LPP: variants seen among roughly 807,000 people sequenced by gnomAD.
LPP encodes the protein LIM domain containing preferred translocation partner in lipoma.
In LPP, 38 loss-of-function variants were observed where a neutral mutation model predicts 60.4. The ratio of observed to expected loss-of-function variants is 0.63; its 90% CI spans 0.49 to 0.83. LPP has a LOEUF of 0.83. LPP is among the 40% of genes least tolerant of loss of function. The pLI is 0.00. For missense variants in LPP, 902 were observed against 783.6 expected (o/e 1.15, Z -1.80); for synonymous variants, 328 against 290.8 (o/e 1.13, Z -1.30).
At chr3:188,256,078 C>T (rs891630150) in intron 2 of LPP, among the ~76,000 whole-genome samples, 5 of 152,100 alleles carry the variant, frequency 3.3e-5, no homozygotes, top group Non-Finnish European at 5.9e-5. Context: ...CTACTTTGTA[C>T]GCTGAGACTC....
intron 6 of LPP, among the ~76,000 whole-genome samples, chr3:188,534,290 C>A (rs528752727): frequency 4.6e-5 from 7 of 152,210 alleles, no homozygotes; most frequent in African/African-American, 1.7e-4. Flanking sequence ...TCCTTGGCTC[C>A]AAGATGATTA....
chr3:188,363,905 CAAAAA>C lies in LPP; in HGVS notation c.-10+22205_-10+22209del, dbSNP rs541715135. On this transcript the variant is annotated intron_variant, in intron 3 of 11. Transcript: ENST00000617246. ...GGACGAAAGAGTGAAAACTCCCTCC[CAAAAA>C]AAAAAAAAAAAAAAAAAATACTATG... is the stretch of plus-strand genomic sequence containing the variant. Among the ~76,000 whole-genome samples, 162 of 96,902 alleles carry C rather than the reference CAAAAA, an allele frequency of 1.7e-3. 1 individual carries two copies. Among genetic ancestry groups the C allele is most frequent in the African/African-American group, 6.1e-3 (157 of 25,574 alleles). 63.6% of individuals were successfully genotyped at this position (96,902 alleles called of 152,430 possible). A position where few individuals can be genotyped will look rare whatever the true frequency, so the allele number is the denominator to read the frequency against.
chr3:188,268,375 A>G (rs887131609), intron 2 of LPP, among the ~76,000 whole-genome samples: 1 of 152,280 alleles, frequency 6.6e-6, no homozygotes, highest in African/African-American at 2.4e-5. Flanking sequence ...TTAAGCAAAG[A>G]ACAATTCGTG....
Position 188,610,373 on chromosome 3 carries a change from G to A in LPP, c.1113+529G>A, listed in dbSNP as rs779346754. On this transcript the variant is annotated intron_variant, in intron 7 of 11. Transcript: ENST00000617246. The surrounding 1 kb of genome is among the most constrained non-coding windows in gnomAD (Gnocchi z 4.4). ...ACTCCCGCAATGTTGGTACCACAGC[G>A]GTTGCTGGGCCAGAACAAGTGGCCA... Among the ~76,000 whole-genome samples the A allele has an allele frequency of 1.2e-4, 18 of 152,314 alleles. No individual in the cohort carries two copies. The highest frequency in any genetic ancestry group is 1.9e-4 in the East Asian group (1 of 5,168).
chr3:188,700,808 A>T, intron 7 of LPP, among the ~76,000 whole-genome samples: 1 of 152,220 alleles, frequency 6.6e-6, no homozygotes, highest in East Asian at 1.9e-4. Context: ...CTATTTTTAT[A>T]GACTACAAAG....
chr3:188,158,090 C>T (rs767753512), intron 1 of LPP, among the ~76,000 whole-genome samples: 18 of 151,998 alleles, frequency 1.2e-4, no homozygotes, highest in Non-Finnish European at 2.4e-4. Context: ...GGGTCTCTAG[C>T]GTCATCTCTG....
At chr3:188,533,722 T>C (rs746117857) in intron 6 of LPP, among the ~76,000 whole-genome samples, 3 of 152,190 alleles carry the variant, frequency 2.0e-5, no homozygotes, top group Non-Finnish European at 4.4e-5. Context: ...ATGTTTTACT[T>C]AGAGGATCTG....
intron 2 of LPP, among the ~76,000 whole-genome samples, chr3:188,317,767 C>T (rs1443696113): frequency 7.7e-6 from 1 of 129,412 alleles, no homozygotes; most frequent in Admixed American, 8.2e-5. Context: ...CCTGCTCTAC[C>T]TTGAACTGCT....
At chr3:188,753,903 T>A (rs1729136001) in intron 8 of LPP, among the ~76,000 whole-genome samples, 2 of 152,210 alleles carry the variant, frequency 1.3e-5, no homozygotes, top group Admixed American at 6.5e-5. Flanking sequence ...GAATCAGATA[T>A]ACACAAGCAC....
At chr3:188,640,537 A>G (rs995015971) in intron 7 of LPP, among the ~76,000 whole-genome samples, 2 of 150,110 alleles carry the variant, frequency 1.3e-5, no homozygotes, top group Admixed American at 1.3e-4. Context: ...TAATAATAAT[A>G]AAAGTTTGGG....
chr3:188,563,460 A>ATATGTGTGTGTGTGTG (rs373067080), intron 6 of LPP, among the ~76,000 whole-genome samples: 2,396 of 141,968 alleles, frequency 0.017, 39 homozygotes, highest in African/African-American at 0.041. Context: ...TTACATATAT[A>ATATGTGTGTGTGTGTG]TGTGTGTGTG....
intron 2 of LPP, among the ~76,000 whole-genome samples, chr3:188,268,331 A>C (rs927919840): frequency 5.3e-5 from 8 of 152,266 alleles, no homozygotes; most frequent in African/African-American, 1.7e-4. Context: ...AACAACCCCC[A>C]AAAACCTTAG....
At chr3:188,753,641 T>A (rs899930679) in intron 8 of LPP, among the ~76,000 whole-genome samples, 1 of 151,870 alleles carries the variant, frequency 6.6e-6, no homozygotes. Flanking sequence ...TTTTTTACTT[T>A]ACCTTAATTT....
Position 188,825,269 on chromosome 3 carries a change from C to CTCTGTGTGTGTGTG in LPP, c.1411-40930_1411-40929insCTGTGTGTGTGTGT, listed in dbSNP as rs1463318065. The stretch of plus-strand genomic sequence containing the variant: ...TCTTTCTCTCTCTCTCTCTCTCTCT[C>CTCTGTGTGTGTGTG]TGTGTGTGTGTGTGTGTGTGTGTGT... On this transcript the variant is annotated intron_variant, in intron 9 of 11. Coordinates refer to ENST00000617246, the MANE Select transcript of LPP (RefSeq NM_001375462.1). Among the ~76,000 whole-genome samples the CTCTGTGTGTGTGTG allele has an allele frequency of 2.1e-3, 213 of 101,750 alleles. 1 individual carries two copies. The highest frequency in any genetic ancestry group is 6.0e-3 in the East Asian group (15 of 2,498). The allele number at this position is 101,750 out of a possible 152,430, so 66.8% of individuals were successfully genotyped here.
intron 4 of LPP, among the ~76,000 whole-genome samples, chr3:188,480,221 A>G (rs547330894): frequency 8.5e-5 from 13 of 152,230 alleles, no homozygotes; most frequent in Non-Finnish European, 1.9e-4. Flanking sequence ...TGTTTTCTGA[A>G]GTAAATTGGC....
At chr3:188,737,631 T>C (rs1425842179) in intron 8 of LPP, among the ~76,000 whole-genome samples, 1 of 152,196 alleles carries the variant, frequency 6.6e-6, no homozygotes, top group Non-Finnish European at 1.5e-5. Flanking sequence ...TGGTCTTAAG[T>C]AGTTCTAGAC....
Position 188,880,690 on chromosome 3 carries a change from G to C in LPP, c.*6211G>C. 1 of 185,574 alleles carries C rather than the reference G, an allele frequency of 5.4e-6. No individual in the cohort carries two copies. Among genetic ancestry groups the C allele is most frequent in the East Asian group, 8.7e-5 (1 of 11,516 alleles). The allele number at this position is 185,574 out of a possible 1,614,324, so 11.5% of individuals were successfully genotyped here. A position where few individuals can be genotyped will look rare whatever the true frequency, so the allele number is the denominator to read the frequency against. The stretch of plus-strand genomic sequence containing the variant: ...TTATGTAACATACCCAAATAAAAAC[G>C]TTATTAAACAGCCACAATCGCATTC... On this transcript the variant is annotated 3_prime_UTR_variant, in exon 12 of 12. Transcript: ENST00000617246.
At chr3:188,379,808 A>G (rs1776377030) in intron 3 of LPP, among the ~76,000 whole-genome samples, 1 of 152,220 alleles carries the variant, frequency 6.6e-6, no homozygotes, top group African/African-American at 2.4e-5. Flanking sequence ...AGTTTACCCC[A>G]AAATGATGCA....
intron 5 of LPP, among the ~76,000 whole-genome samples, chr3:188,498,746 C>A (rs921738942): frequency 6.6e-6 from 1 of 152,196 alleles, no homozygotes; most frequent in Non-Finnish European, 1.5e-5. Context: ...CCATTTTCCA[C>A]AGCAGCTGTA....
Sources: allele counts gnomAD v4.1 joint callset (sites outside exome capture counted in the v4.1 genomes callset), GRCh38; gene constraint gnomAD v4.1.1; non-coding constraint Gnocchi (gnomAD v3.1); transcripts MANE v1.5; gene names NCBI Gene and HGNC (gene_info 2026-07-23, HGNC 2026-07-21).